The following VPS29 variants were observed in gnomAD, a reference collection of about 807,000 sequenced individuals.
VPS29 encodes the protein VPS29 retromer complex component, also known as vacuolar protein sorting-associated protein 29.
VPS29 carries 2 observed loss-of-function variants against 20.0 expected under a neutral mutation model. That is an observed-to-expected ratio of 0.10 (90% CI 0.04 to 0.31). The LOEUF (loss-of-function observed/expected upper bound fraction) is 0.31, where lower values mean the gene tolerates loss of function less well. Ranked by LOEUF, VPS29 falls within the 10% of genes least tolerant of loss-of-function variation. VPS29 has a pLI of 1.00. For synonymous variants in VPS29, 81 were observed against 79.3 expected, an observed-to-expected ratio of 1.02 and a Z score of -0.12; for missense variants, 120 against 215.3, an observed-to-expected ratio of 0.56 and a Z score of 2.77.
In VPS29 at chr12:110,502,070, TCA is replaced by T. The variant is rs756108237; in HGVS notation, c.-21_-20del. 7 of 1,610,924 alleles carry T rather than the reference TCA, an allele frequency of 4.3e-6. No individual in the cohort carries two copies. The South Asian group carries it at 4.4e-5, about 10-fold the overall frequency. On this transcript the variant is annotated 5_prime_UTR_variant, in exon 1 of 4. Transcript: ENST00000549578. ...TCACCATCCTGTCACCGGGCTCCGC[TCA>T]GTCACCACCACCGTCGCCGCCCTCT...
chr12:110,492,599 T>TTTTTTTTA (rs1555204593), intron 3 of VPS29, among the ~76,000 whole-genome samples: 9 of 132,344 alleles, frequency 6.8e-5, no homozygotes, highest in African/African-American at 1.8e-4. Context: ...TTTATTTTTA[T>TTTTTTTTA]TTTATTTATT....
At chr12:110,495,567 A>C (rs766064900) in intron 2 of VPS29, among the ~76,000 whole-genome samples, 2 of 151,894 alleles carry the variant, frequency 1.3e-5, no homozygotes, top group Non-Finnish European at 1.5e-5. Flanking sequence ...AAATAGCTGG[A>C]TGTGATGGTG....
chr12:110,499,584 A>T, intron 1 of VPS29: 2 of 1,503,256 alleles, frequency 1.3e-6, no homozygotes, highest in Middle Eastern at 1.7e-4. Flanking sequence ...GACAGGGGGG[A>T]TGAAAAAAAA....
At chr12:110,493,353 C>A in intron 2 of VPS29, 122 bp from the exon 3 acceptor site, 9 of 595,514 alleles carry the variant, frequency 1.5e-5, no homozygotes, top group South Asian at 4.4e-5. Flanking sequence ...ACAACACACA[C>A]ATTTATACAT....
rs549612827 is a variant in VPS29 at position 110,496,455 on chromosome 12, T to C, written c.4-252A>G. The C allele has an allele frequency of 1.5e-5, 5 of 327,274 alleles. No individual in the cohort carries two copies. The East Asian group carries it at 2.0e-4, about 13-fold the overall frequency. The allele number at this position is 327,274 out of a possible 1,614,324, so 20.3% of individuals were successfully genotyped here. On this transcript the variant is annotated intron_variant, in intron 1 of 3. Transcript: ENST00000549578. ...ACAATTTAAACAGACATACTTATGG[T>C]AATGTACTTTGTTCTAAATCAATCT... is the stretch of plus-strand genomic sequence containing the variant.
chr12:110,493,599 T>C (rs935522832), intron 2 of VPS29, among the ~76,000 whole-genome samples: 1 of 152,050 alleles, frequency 6.6e-6, no homozygotes, highest in Non-Finnish European at 1.5e-5. Context: ...TAACCTCAAA[T>C]GATCCACCTG....
intron 1 of VPS29, chr12:110,501,584 C>G (rs374076151): frequency 6.5e-7 from 1 of 1,535,124 alleles, no homozygotes; most frequent in South Asian, 1.2e-5. Context: ...TAAACGGGTA[C>G]GAAATTCTGC....
chr12:110,492,974 T>C (rs763992184), intron 3 of VPS29, 22 bp downstream of exon 3: 1 of 1,573,076 alleles, frequency 6.4e-7, no homozygotes. Flanking sequence ...GCCCCCAAAT[T>C]CCCAAATTCT....
In VPS29 at chr12:110,493,072, A is replaced by G; in HGVS notation, c.355T>C (p.Phe119Leu). The change falls in exon 3 of 4, where the codon TTT (phenylalanine) becomes CTT (leucine). Residue 119 changes from phenylalanine to leucine, a missense_variant. Coordinates refer to ENST00000549578, the MANE Select transcript of VPS29 (RefSeq NM_016226.5). ...DILISGHTHK[F>L]EAFEHENKFY... ...TTATTTTCATGCTCAAATGCTTCAA[A>G]TTTGTGTGTGTGTCCCGAGATAAGA... 1 of 1,614,090 alleles carries G rather than the reference A, an allele frequency of 6.2e-7. No individual in the cohort carries two copies. Among genetic ancestry groups the G allele is most frequent in the Non-Finnish European group, 8.5e-7 (1 of 1,180,010 alleles).
intron 1 of VPS29, among the ~76,000 whole-genome samples, chr12:110,498,588 GAC>G (rs1346615923): frequency 1.3e-5 from 2 of 152,306 alleles, no homozygotes; most frequent in Admixed American, 6.5e-5. Flanking sequence ...CCGTTACCAG[GAC>G]ACAGAGTTAT....
At chr12:110,497,405 T>C (rs2062925810) in intron 1 of VPS29, among the ~76,000 whole-genome samples, 4 of 151,126 alleles carry the variant, frequency 2.6e-5, no homozygotes, top group South Asian at 2.1e-4. Context: ...TTAGTAAAGA[T>C]AGGGTTTCAC....
chr12:110,494,778 G>A (rs2062875935), intron 2 of VPS29, among the ~76,000 whole-genome samples: 1 of 151,920 alleles, frequency 6.6e-6, no homozygotes, highest in African/African-American at 2.4e-5. Flanking sequence ...GGAGTGCAGT[G>A]GCACAATCTC....
chr12:110,492,732 C>A (rs1458775246), intron 3 of VPS29, among the ~76,000 whole-genome samples: 2 of 151,594 alleles, frequency 1.3e-5, no homozygotes, highest in Non-Finnish European at 2.9e-5. Context: ...AGTGATCATC[C>A]CACCTCAGCC....
intron 2 of VPS29, among the ~76,000 whole-genome samples, chr12:110,495,492 C>T (rs970805594): frequency 3.3e-5 from 5 of 152,092 alleles, no homozygotes; most frequent in African/African-American, 9.7e-5. Flanking sequence ...GGGAGGATCA[C>T]CTGAGGTCAC....
chr12:110,495,849 T>C (rs538294353), intron 2 of VPS29, among the ~76,000 whole-genome samples, 163 bp downstream of exon 2: 14 of 146,036 alleles, frequency 9.6e-5, no homozygotes, highest in African/African-American at 2.8e-4. Context: ...GATTTTCAAA[T>C]AGTAAGGGAG....
chr12:110,493,962 G>C (rs962362278), intron 2 of VPS29, among the ~76,000 whole-genome samples: 1 of 152,052 alleles, frequency 6.6e-6, no homozygotes, highest in Non-Finnish European at 1.5e-5. Flanking sequence ...GTATGAGCCA[G>C]GCACTACTGT....
chr12:110,494,896 A>AT (rs1486213882), intron 2 of VPS29, among the ~76,000 whole-genome samples: 1 of 151,662 alleles, frequency 6.6e-6, no homozygotes, highest in Non-Finnish European at 1.5e-5. Flanking sequence ...ATTTTTTTGT[A>AT]TTTTTAGTAG....
At chr12:110,492,736 C>A (rs561769925) in intron 3 of VPS29, among the ~76,000 whole-genome samples, 9 of 151,894 alleles carry the variant, frequency 5.9e-5, no homozygotes, top group African/African-American at 1.7e-4. Flanking sequence ...ATCATCCCAC[C>A]TCAGCCTCCT....
chr12:110,498,153 G>A (rs1394287318), intron 1 of VPS29, among the ~76,000 whole-genome samples: 2 of 151,842 alleles, frequency 1.3e-5, no homozygotes, highest in African/African-American at 2.4e-5. Flanking sequence ...TGTATTTTTA[G>A]TAGAGACAGG....
Sources: gnomAD v4.1 joint callset for allele counts (sites outside exome capture counted in the v4.1 genomes callset) on GRCh38, gnomAD v4.1.1 for gene constraint, MANE v1.5 for transcripts, NCBI Gene and HGNC (gene_info 2026-07-23, HGNC 2026-07-21) for gene names.